The following DCLRE1C variants were observed in gnomAD, a reference collection of about 807,000 sequenced individuals.
DCLRE1C encodes the protein DNA cross-link repair 1C.
In DCLRE1C, 47 loss-of-function variants were observed where a neutral mutation model predicts 61.4. That is an observed-to-expected ratio of 0.77 (90% CI 0.61 to 0.98). The LOEUF (loss-of-function observed/expected upper bound fraction) is 0.98. DCLRE1C is among the 50% of genes least tolerant of loss of function. The pLI is 0.00. For missense variants in DCLRE1C, 858 were observed against 816.0 expected, an observed-to-expected ratio of 1.05 and a Z score of -0.63; for synonymous variants, 337 against 287.6, an observed-to-expected ratio of 1.17 and a Z score of -1.74.
At position 14,949,273 on chromosome 10, in the gene DCLRE1C, G is replaced by A. The variant is rs41304330; in HGVS notation, c.110-186C>T. The stretch of plus-strand genomic sequence containing the variant: ...GAAGAATCCTCCTCAGAACAGGACC[G>A]GCTGCCCATTTCTGAGCCATCCAAG... On this transcript the variant is annotated intron_variant, in intron 1 of 13. Transcript: ENST00000378278. Among the ~76,000 whole-genome samples the A allele has an allele frequency of 7.9e-3, 1,199 of 152,232 alleles. 23 individuals carry two copies. The highest frequency in any genetic ancestry group is 0.028 in the African/African-American group (1,145 of 41,546).
chr10:14,952,360 G>A (rs1268626201), intron 1 of DCLRE1C, among the ~76,000 whole-genome samples: 6 of 152,170 alleles, frequency 3.9e-5, no homozygotes, highest in African/African-American at 1.2e-4. Flanking sequence ...GCTGAGGTGG[G>A]TGGATCTACC....
rs147784627 is a variant in DCLRE1C, at chr10:14,945,132, C to T, written c.219G>A (p.Pro73=). ...PVTKELLLTS[P]KYRFWKKRII... is the part of the protein sequence containing the mutation. ...TTCGTTTCTTCCAAAATCTGTATTT[C>T]GGGCTCGTTAACAACAACTCCTTAG... Residue 73 remains proline (P), a synonymous_variant, in exon 3 of 14, where the codon CCG becomes CCA. Transcript: ENST00000378278. The T allele has an allele frequency of 1.6e-5, 25 of 1,612,676 alleles. No homozygotes were observed. Among genetic ancestry groups the T allele is most frequent in the South Asian group, 6.6e-5 (6 of 90,634 alleles).
chr10:14,944,864 A>C (rs1841436383), intron 3 of DCLRE1C, among the ~76,000 whole-genome samples: 1 of 151,720 alleles, frequency 6.6e-6, no homozygotes. Flanking sequence ...TAGTAGAGAC[A>C]GGGTTTTACC....
intron 3 of DCLRE1C, among the ~76,000 whole-genome samples, chr10:14,943,681 G>T (rs1207571764): frequency 6.6e-6 from 1 of 151,966 alleles, no homozygotes; most frequent in Non-Finnish European, 1.5e-5. Flanking sequence ...GCATCCCAAG[G>T]AGCTGGGACT....
At chr10:14,928,188 C>G in intron 9 of DCLRE1C, 36 bp from the exon 10 acceptor site, 1 of 1,597,892 alleles carries the variant, frequency 6.3e-7, no homozygotes, top group Non-Finnish European at 8.6e-7. Flanking sequence ...AACAGTTCTA[C>G]ATTTTCTACA....
At chr10:14,954,273 A>G (rs1842868469), upstream of DCLRE1C, 2 of 571,864 alleles carry the variant, frequency 3.5e-6, no homozygotes, top group Non-Finnish European at 6.2e-6. Context: ...TGCAAGGCTC[A>G]TTCCCGCCCA....
intron 1 of DCLRE1C, among the ~76,000 whole-genome samples, chr10:14,950,357 C>CAAAAAAAAAAAAAAAAAAAAAAAAA (rs1196056427): frequency 1.4e-5 from 1 of 71,276 alleles, no homozygotes; most frequent in African/African-American, 4.8e-5. Context: ...AAATAATAAC[C>CAAAAAAAAAAAAAAAAAAAAAAAAA]AAAAAAAAAA....
At chr10:14,925,011 T>C (rs1000834855) in intron 11 of DCLRE1C, among the ~76,000 whole-genome samples, 5 of 151,862 alleles carry the variant, frequency 3.3e-5, no homozygotes, top group Non-Finnish European at 7.4e-5. Flanking sequence ...AACCCAAGAA[T>C]TGCCAATAAC....
rs1834453693 is a variant in DCLRE1C, at chr10:14,907,024, A to C, written c.*1384T>G. 6.6e-6 allele frequency among the ~76,000 whole-genome samples: 1 copy of C among 151,794 alleles called. No individual in the cohort carries two copies. Among genetic ancestry groups the C allele is most frequent in the African/African-American group, 2.4e-5 (1 of 41,294 alleles). ...GCGAGGACTACAGGTGCACACCACC[A>C]TGTCTGGCTAACATTTTGTGGAGAC... On this transcript the variant is annotated 3_prime_UTR_variant, in exon 14 of 14. Transcript: ENST00000378278.
intron 9 of DCLRE1C, among the ~76,000 whole-genome samples, chr10:14,931,350 G>C (rs1006637105): frequency 6.6e-6 from 1 of 151,782 alleles, no homozygotes; most frequent in Non-Finnish European, 1.5e-5. Context: ...ACGAGGTTAG[G>C]AGTTCGAGAC....
intron 4 of DCLRE1C, among the ~76,000 whole-genome samples, chr10:14,938,988 C>A (rs577549625): frequency 6.6e-6 from 1 of 152,288 alleles, no homozygotes; most frequent in African/African-American, 2.4e-5. Flanking sequence ...GAAATCCTAA[C>A]CCCCAAAGTG....
chr10:14,933,106 T>A, intron 8 of DCLRE1C, 151 bp from the exon 9 acceptor site: 1 of 831,224 alleles, frequency 1.2e-6, no homozygotes, highest in Non-Finnish European at 2.0e-6. Flanking sequence ...TGCACTCTGG[T>A]ATTCCGCCAG....
chr10:14,926,938 CAAAACT>C, intron 10 of DCLRE1C, 41 bp from the exon 11 acceptor site: 1 of 1,564,796 alleles, frequency 6.4e-7, no homozygotes, highest in Non-Finnish European at 8.8e-7. Flanking sequence ...GATCACTGAG[CAAAACT>C]AAAACTAAGC....
intron 3 of DCLRE1C, among the ~76,000 whole-genome samples, chr10:14,941,830 C>T (rs1840909107): frequency 6.6e-6 from 1 of 152,128 alleles, no homozygotes; most frequent in Non-Finnish European, 1.5e-5. Flanking sequence ...CATTAGTCCA[C>T]ATTCACACAT....
chr10:14,919,871 A>G, intron 12 of DCLRE1C, 39 bp from the exon 13 acceptor site: 1 of 1,509,762 alleles, frequency 6.6e-7, no homozygotes, highest in Non-Finnish European at 9.2e-7. Flanking sequence ...CCTTTTGAGG[A>G]AGTTGTTAGA....
chr10:14,898,283 AAGGTCACAC>A (rs1274122116), exon 14 of DCLRE1C: 2 of 133,610 alleles, frequency 1.5e-5, no homozygotes, highest in South Asian at 2.4e-4. Context: ...TACCTTGCCC[AAGGTCACAC>A]AGGTCACATA....
intron 13 of DCLRE1C, among the ~76,000 whole-genome samples, chr10:14,914,477 G>A (rs1388037654): frequency 6.6e-5 from 10 of 152,196 alleles, no homozygotes; most frequent in Non-Finnish European, 1.2e-4. Context: ...GAACAAGAAT[G>A]TAGAAGACCT....
chr10:14,953,795 C>A, intron 1 of DCLRE1C, 107 bp downstream of exon 1: 2 of 1,525,942 alleles, frequency 1.3e-6, no homozygotes, highest in South Asian at 1.1e-5. Flanking sequence ...GCCGCCCCCT[C>A]GCTGGCTTCC....
rs909002127 is a variant in DCLRE1C, at chr10:14,907,274, A to C, written c.*1134T>G. 2.0e-5 allele frequency among the ~76,000 whole-genome samples: 3 copies of C among 150,628 alleles called. No individual in the cohort carries two copies. In the East Asian group the frequency reaches 5.8e-4, roughly 29 times the overall value. On this transcript the variant is annotated 3_prime_UTR_variant, in exon 14 of 14. Transcript: ENST00000378278. Reference sequence around the variant, plus strand: ...GATAAATAAGGTGCTGATTTTGTCTATAGCCATCAGTTTATCATACTAGAT... The same window carrying C: ...GATAAATAAGGTGCTGATTTTGTCTCTAGCCATCAGTTTATCATACTAGAT...
Sources: gnomAD v4.1 joint callset for allele counts (sites outside exome capture counted in the v4.1 genomes callset) on GRCh38, gnomAD v4.1.1 for gene constraint, MANE v1.5 for transcripts, NCBI Gene and HGNC (gene_info 2026-07-23, HGNC 2026-07-21) for gene names.